The following EPHA4 variants were observed in gnomAD, a reference collection of about 807,000 sequenced individuals.
EPHA4 encodes EPH receptor A4, also known as ephrin type-A receptor 4.
EPHA4 carries 19 observed loss-of-function variants against 108.3 expected under a neutral mutation model. That is an observed-to-expected ratio of 0.18 (90% CI 0.12 to 0.26). EPHA4 has a LOEUF of 0.26. Ranked by LOEUF, EPHA4 falls within the 10% of genes least tolerant of loss-of-function variation. The pLI is 1.00. For missense variants in EPHA4, 917 were observed against 1,254.0 expected (o/e 0.73, Z 4.06); for synonymous variants, 449 against 455.5 (o/e 0.99, Z 0.18).
At position 221,425,278 on chromosome 2, in the gene EPHA4, CCA is replaced by C. The variant is rs565044149; in HGVS notation, c.*748_*749del. The C allele has an allele frequency of 4.3e-3, 657 of 152,666 alleles. 1 individual carries two copies. Among genetic ancestry groups the C allele is most frequent in the South Asian group, 6.9e-3 (33 of 4,816 alleles). The allele number at this position is 152,666 out of a possible 1,614,324, so 9.5% of individuals were successfully genotyped here. Reference sequence around the variant, plus strand: ...GTTCTCTATTCCAGATTGTCACAGCCCACTATCCACAAGATAGTTAGGACAAG... The same window carrying C: ...GTTCTCTATTCCAGATTGTCACAGCCCTATCCACAAGATAGTTAGGACAAG... On this transcript the variant is annotated 3_prime_UTR_variant, in exon 17 of 18. Transcript: ENST00000281821.
chr2:221,482,301 C>T, intron 5 of EPHA4, 51 bp downstream of exon 5: 2 of 1,428,160 alleles, frequency 1.4e-6, no homozygotes, highest in South Asian at 1.4e-5. Flanking sequence ...TATTTTAAGC[C>T]TTTTCTCTGT....
At chr2:221,551,980 A>G (rs1263991451) in intron 3 of EPHA4, among the ~76,000 whole-genome samples, 3 of 152,132 alleles carry the variant, frequency 2.0e-5, no homozygotes, top group Non-Finnish European at 2.9e-5. Context: ...ATTACTTTCA[A>G]CTGCACTTCT....
At chr2:221,558,203 T>C (rs1310218752) in intron 3 of EPHA4, among the ~76,000 whole-genome samples, 1 of 152,180 alleles carries the variant, frequency 6.6e-6, no homozygotes, top group Admixed American at 6.5e-5. Flanking sequence ...AATACATGTA[T>C]ATGGCTATAT....
At chr2:221,516,568 T>C (rs974412264) in intron 3 of EPHA4, among the ~76,000 whole-genome samples, 2 of 152,168 alleles carry the variant, frequency 1.3e-5, no homozygotes, top group African/African-American at 4.8e-5. Context: ...TTGGTCAGGC[T>C]GGTCTTGAAC....
chr2:221,542,157 A>G (rs1410916539), intron 3 of EPHA4, among the ~76,000 whole-genome samples: 1 of 152,236 alleles, frequency 6.6e-6, no homozygotes, highest in Non-Finnish European at 1.5e-5. Context: ...AAGGACTAGG[A>G]AAAGGTGAGA....
chr2:221,526,584 C>G (rs916258836), intron 3 of EPHA4, among the ~76,000 whole-genome samples: 1 of 151,706 alleles, frequency 6.6e-6, no homozygotes, highest in Non-Finnish European at 1.5e-5. Context: ...CAGCGGTTCA[C>G]GCCTGTAATC....
rs993288772 is a variant in EPHA4 at position 221,506,393 on chromosome 2, C to G, written c.824-5221G>C. Among the ~76,000 whole-genome samples, 6 of 152,176 alleles carry G rather than the reference C, an allele frequency of 3.9e-5. No homozygotes were observed. In the South Asian group the frequency reaches 1.2e-3, roughly 31 times the overall value. On this transcript the variant is annotated intron_variant, in intron 3 of 17. Coordinates refer to ENST00000281821, the MANE Select transcript of EPHA4 (RefSeq NM_004438.5). ...AGTTTTTGTGAATATGTGCAAGCCC[C>G]AGCCATCTTTGGGGAAGGTGTGAAC...
intron 4 of EPHA4, among the ~76,000 whole-genome samples, chr2:221,498,796 T>C (rs964495308): frequency 2.3e-5 from 2 of 87,472 alleles, no homozygotes; most frequent in African/African-American, 3.0e-5. Flanking sequence ...TTTTCTTTTT[T>C]TTTTTTTTTT....
At chr2:221,507,543 T>C (rs1174692337) in intron 3 of EPHA4, among the ~76,000 whole-genome samples, 1 of 152,138 alleles carries the variant, frequency 6.6e-6, no homozygotes, top group Admixed American at 6.6e-5. Flanking sequence ...GTCTATGAAA[T>C]GAAAGAATGA....
intron 13 of EPHA4, among the ~76,000 whole-genome samples, chr2:221,434,976 G>A (rs1334036888): frequency 6.6e-6 from 1 of 151,726 alleles, no homozygotes; most frequent in Non-Finnish European, 1.5e-5. Flanking sequence ...TTTTTTTTCT[G>A]CCTCAAATGT....
At chr2:221,456,907 G>A in intron 6 of EPHA4, 135 bp from the exon 7 acceptor site, 1 of 868,882 alleles carries the variant, frequency 1.2e-6, no homozygotes, top group Non-Finnish European at 1.8e-6. Flanking sequence ...ACTCTCTGGA[G>A]CCTGTATTCT....
chr2:221,448,522 G>T (rs1690668833), intron 8 of EPHA4, among the ~76,000 whole-genome samples: 1 of 152,146 alleles, frequency 6.6e-6, no homozygotes, highest in Non-Finnish European at 1.5e-5. Flanking sequence ...AAAAGATGAA[G>T]TCTCCTCCAA....
In EPHA4 at chr2:221,571,681, C is replaced by G. The variant is rs1694843352; in HGVS notation, c.91+477G>C. 6.6e-6 allele frequency among the ~76,000 whole-genome samples: 1 copy of G among 152,190 alleles called. No individual in the cohort carries two copies. ...GCGGAGCAGGCCCCGCAGCCCGGTC[C>G]CGAGAAGCGCAGGGCTCGGGAAACT... On this transcript the variant is annotated intron_variant, in intron 1 of 17. Coordinates refer to ENST00000281821, the MANE Select transcript of EPHA4 (RefSeq NM_004438.5). The surrounding 1 kb of genome is among the most constrained non-coding windows in gnomAD (Gnocchi z 6.3).
chr2:221,544,571 G>A (rs992183693), intron 3 of EPHA4, among the ~76,000 whole-genome samples: 2 of 151,950 alleles, frequency 1.3e-5, no homozygotes, highest in African/African-American at 2.4e-5. Context: ...GGTGATCCAC[G>A]CGTATCGGCC....
At chr2:221,519,684 C>T (rs1281392004) in intron 3 of EPHA4, among the ~76,000 whole-genome samples, 1 of 152,186 alleles carries the variant, frequency 6.6e-6, no homozygotes, top group Non-Finnish European at 1.5e-5. Context: ...AGACTCTGCT[C>T]ATGGATGATA....
intron 9 of EPHA4, among the ~76,000 whole-genome samples, chr2:221,445,433 C>T (rs1690561407): frequency 1.3e-5 from 2 of 151,584 alleles, no homozygotes; most frequent in Admixed American, 6.6e-5. Context: ...ACTAAAAGTA[C>T]AAAAAAATTA....
intron 15 of EPHA4, among the ~76,000 whole-genome samples, chr2:221,427,613 TTC>T (rs1372564669): frequency 6.6e-6 from 1 of 152,200 alleles, no homozygotes; most frequent in African/African-American, 2.4e-5. Context: ...GTTTTTGAAC[TTC>T]TGTTTTTCCT....
chr2:221,495,530 C>T (rs1481337384), intron 4 of EPHA4, among the ~76,000 whole-genome samples: 3 of 152,180 alleles, frequency 2.0e-5, no homozygotes, highest in Non-Finnish European at 2.9e-5. Context: ...TTCTAAACTC[C>T]CTGTTCTAAA....
intron 4 of EPHA4, among the ~76,000 whole-genome samples, chr2:221,486,607 G>A (rs1691980809): frequency 6.6e-6 from 1 of 152,016 alleles, no homozygotes; most frequent in East Asian, 1.9e-4. Flanking sequence ...GCTGGCACAC[G>A]TCTGTAGTCC....
Sources: gnomAD v4.1 joint callset for allele counts (sites outside exome capture counted in the v4.1 genomes callset) on GRCh38, gnomAD v4.1.1 for gene constraint, Gnocchi (gnomAD v3.1) non-coding constraint, MANE v1.5 for transcripts, NCBI Gene and HGNC (gene_info 2026-07-23, HGNC 2026-07-21) for gene names.